RNF175: variants seen among roughly 807,000 people sequenced by gnomAD.
The protein encoded by RNF175 is ring finger protein 175.
RNF175 carries 38 observed loss-of-function variants against 50.0 expected under a neutral mutation model. The ratio of observed to expected loss-of-function variants is 0.76; its 90% CI spans 0.59 to 1.00. The LOEUF is 1.00. RNF175 is among the 50% of genes least tolerant of loss of function. The pLI, the probability that RNF175 is intolerant of heterozygous loss-of-function variation, is 0.00. For synonymous variants in RNF175, 155 were observed against 146.1 expected (o/e 1.06, Z -0.44); for missense variants, 388 against 409.6 (o/e 0.95, Z 0.46).
intron 3 of RNF175, among the ~76,000 whole-genome samples, chr4:153,741,927 A>G (rs996083369): frequency 2.7e-4 from 41 of 151,792 alleles, no homozygotes; most frequent in African/African-American, 8.5e-4. Flanking sequence ...TTTTGCACCA[A>G]CCTACTATAT....
rs761064870 is a variant in RNF175 at position 153,748,690 on chromosome 4, CTGGGCAA to C, written c.194_200del (p.Ile65ArgfsTer2). 3 of 1,605,588 alleles carry C rather than the reference CTGGGCAA, an allele frequency of 1.9e-6. No individual in the cohort carries two copies. The South Asian group carries it at 3.4e-5, about 18-fold the overall frequency. On this transcript the variant is annotated frameshift_variant, in exon 3 of 9. Transcript: ENST00000347063. LOFTEE classifies it high-confidence loss of function. The stretch of plus-strand genomic sequence containing the variant: ...TCTGTCTCCACTGAACCAGCACTAT[CTGGGCAA>C]TGACCAGAACGCAGAGGAAGATCAA...
At chr4:153,728,577 C>T (rs1560779594) in intron 3 of RNF175, among the ~76,000 whole-genome samples, 1 of 152,164 alleles carries the variant, frequency 6.6e-6, no homozygotes, top group Non-Finnish European at 1.5e-5. Context: ...GGGAAACAAT[C>T]CAAAATACCC....
At chr4:153,731,759 C>T (rs562990338) in intron 3 of RNF175, among the ~76,000 whole-genome samples, 1 of 152,016 alleles carries the variant, frequency 6.6e-6, no homozygotes, top group Non-Finnish European at 1.5e-5. Context: ...TTCATTTCCT[C>T]TGCACTGCAA....
intron 1 of RNF175, among the ~76,000 whole-genome samples, chr4:153,757,616 G>C (rs1214869818): frequency 6.6e-6 from 1 of 152,116 alleles, no homozygotes; most frequent in Non-Finnish European, 1.5e-5. Flanking sequence ...TGGGTGGAGA[G>C]GAGGGGCTGT....
intron 3 of RNF175, among the ~76,000 whole-genome samples, chr4:153,739,329 G>A (rs753921903): frequency 6.6e-6 from 1 of 152,092 alleles, no homozygotes; most frequent in Admixed American, 6.5e-5. Context: ...GCTGAGGCAG[G>A]AGAATTGCTT....
intron 1 of RNF175, among the ~76,000 whole-genome samples, chr4:153,759,066 G>A (rs548461982): frequency 6.6e-6 from 1 of 152,126 alleles, no homozygotes; most frequent in Non-Finnish European, 1.5e-5. Flanking sequence ...CTCGTTTTAC[G>A]GATGGGATTT....
intron 3 of RNF175, among the ~76,000 whole-genome samples, chr4:153,747,850 A>G (rs547279140): frequency 2.2e-4 from 34 of 152,326 alleles, no homozygotes; most frequent in African/African-American, 8.2e-4. Context: ...CTGCTGTTAT[A>G]ACAGAATACC....
At chr4:153,737,033 A>T (rs931080372) in intron 3 of RNF175, among the ~76,000 whole-genome samples, 1 of 151,888 alleles carries the variant, frequency 6.6e-6, no homozygotes, top group Non-Finnish European at 1.5e-5. Flanking sequence ...TAATTTTCAA[A>T]TTTTTTGTAG....
At chr4:153,719,541 T>A (rs1738194425) in intron 6 of RNF175, among the ~76,000 whole-genome samples, 1 of 152,184 alleles carries the variant, frequency 6.6e-6, no homozygotes, top group African/African-American at 2.4e-5. Context: ...GCCCCTGATA[T>A]CTGAATCAGG....
At chr4:153,753,793 A>G (rs1344502496) in intron 1 of RNF175, among the ~76,000 whole-genome samples, 1 of 151,650 alleles carries the variant, frequency 6.6e-6, no homozygotes, top group East Asian at 2.0e-4. Flanking sequence ...TCCTGACCTC[A>G]GGTGATCCGC....
At chr4:153,718,086 G>A (rs1738060317) in intron 6 of RNF175, among the ~76,000 whole-genome samples, 1 of 152,106 alleles carries the variant, frequency 6.6e-6, no homozygotes, top group Admixed American at 6.5e-5. Flanking sequence ...TTTCTAAAAT[G>A]TCAGATAAAT....
intron 3 of RNF175, among the ~76,000 whole-genome samples, chr4:153,744,468 C>A (rs191173490): frequency 6.6e-6 from 1 of 151,914 alleles, no homozygotes; most frequent in South Asian, 2.1e-4. Context: ...AGGAGTGGTG[C>A]GACACAGTGC....
chr4:153,722,260 G>A (rs1738384031), intron 5 of RNF175, among the ~76,000 whole-genome samples: 1 of 152,166 alleles, frequency 6.6e-6, no homozygotes, highest in Admixed American at 6.5e-5. Flanking sequence ...GCATGTCTCA[G>A]CAACCACCTT....
intron 8 of RNF175, 141 bp downstream of exon 8, chr4:153,712,334 A>C (rs1737639723): frequency 8.2e-6 from 5 of 610,092 alleles, no homozygotes; most frequent in Admixed American, 2.8e-5. Flanking sequence ...AGAGACCATA[A>C]GTCATTTTGA....
intron 6 of RNF175, among the ~76,000 whole-genome samples, chr4:153,719,490 T>C (rs1738190053): frequency 6.6e-6 from 1 of 152,230 alleles, no homozygotes; most frequent in African/African-American, 2.4e-5. Flanking sequence ...GCCTTTAGTT[T>C]GTAAGTTTTT....
chr4:153,710,437 A>C lies in RNF175; in HGVS notation c.919T>G (p.Leu307Val). Reference protein sequence around the residue: ...YGQILDWLRYLVAWQPVVIGI... With the variant: ...YGQILDWLRYVVAWQPVVIGI... ...ATCACCACAGGTTGCCAGGCCACCA[A>C]ATAACGAAGCCAATCCAGGATTTGT... Residue 307 changes from leucine to valine, a missense_variant, in exon 9 of 9, where the codon TTG (leucine) becomes GTG (valine). By Grantham distance (32) the Leu-to-Val change is conservative. Transcript: ENST00000347063. 6.3e-7 allele frequency: 1 copy of C among 1,598,588 alleles called. No individual in the cohort carries two copies. The highest frequency in any genetic ancestry group is 1.7e-4 in the Middle Eastern group (1 of 6,058).
intron 5 of RNF175, among the ~76,000 whole-genome samples, chr4:153,722,164 T>C (rs1019412607): frequency 1.3e-5 from 2 of 152,182 alleles, no homozygotes; most frequent in Non-Finnish European, 1.5e-5. Flanking sequence ...CTGCTTTCCA[T>C]AGCTGTGTGG....
chr4:153,723,391 C>T lies in RNF175; in HGVS notation c.469G>A (p.Ala157Thr). 6.2e-7 allele frequency: 1 copy of T among 1,606,052 alleles called. No homozygotes were observed. Among genetic ancestry groups the T allele is most frequent in the Non-Finnish European group, 8.5e-7 (1 of 1,173,182 alleles). Reference sequence around the variant, plus strand: ...AATCCACACATTGTAAACATGATCGCCAAGTAACCCACAACACCAAATGCA... The same window carrying T: ...AATCCACACATTGTAAACATGATCGTCAAGTAACCCACAACACCAAATGCA... ...SYAFGVVGYL[A>T]IMFTMCGFNL... Residue 157 changes from alanine (A) to threonine (T), a missense_variant, in exon 5 of 9, where the codon GCG becomes ACG. Transcript: ENST00000347063.
At chr4:153,740,436 T>G (rs970876613) in intron 3 of RNF175, among the ~76,000 whole-genome samples, 2 of 152,220 alleles carry the variant, frequency 1.3e-5, no homozygotes, top group Non-Finnish European at 2.9e-5. Flanking sequence ...CCTCAAATAT[T>G]TATCATTTTT....
Sources: allele counts gnomAD v4.1 joint callset (sites outside exome capture counted in the v4.1 genomes callset), GRCh38; gene constraint gnomAD v4.1.1; transcripts MANE v1.5; gene names NCBI Gene and HGNC (gene_info 2026-07-23, HGNC 2026-07-21).